ENPEP: variants seen among roughly 807,000 people sequenced by gnomAD.
ENPEP encodes AP-A.
In ENPEP, 103 loss-of-function variants were observed where a neutral mutation model predicts 114.5. That is an observed-to-expected ratio of 0.90 (90% CI 0.77 to 1.06). The LOEUF (loss-of-function observed/expected upper bound fraction) is 1.06, where lower values mean the gene tolerates loss of function less well. ENPEP is among the 50% of genes least tolerant of loss of function. The pLI is 0.00. For synonymous variants in ENPEP, 420 were observed against 422.0 expected, an observed-to-expected ratio of 1.00 and a Z score of 0.06; for missense variants, 1,196 against 1,161.3, an observed-to-expected ratio of 1.03 and a Z score of -0.43.
intron 3 of ENPEP, among the ~76,000 whole-genome samples, chr4:110,497,706 GA>G (rs1157498559): frequency 6.6e-6 from 1 of 151,954 alleles, no homozygotes; most frequent in Non-Finnish European, 1.5e-5. Flanking sequence ...AGCTACAGCG[GA>G]AAAAAAGGTG....
intron 11 of ENPEP, among the ~76,000 whole-genome samples, chr4:110,531,920 G>A (rs1420373693): frequency 6.6e-6 from 1 of 152,036 alleles, no homozygotes; most frequent in East Asian, 1.9e-4. Flanking sequence ...ACTCATCTTT[G>A]CCCCATTTCA....
intron 18 of ENPEP, among the ~76,000 whole-genome samples, chr4:110,558,343 A>C (rs966569216): frequency 6.6e-6 from 1 of 150,424 alleles, no homozygotes; most frequent in Non-Finnish European, 1.5e-5. Flanking sequence ...GCTGGAGTGC[A>C]GTGGCACAAT....
chr4:110,559,746 G>A lies in ENPEP; in HGVS notation c.2721+21G>A, dbSNP rs780362161. ...GGCAGGTATGAAGATAAATTCCTCT[G>A]CATTTGTCCAAGAAGGAGCAGAATG... On this transcript the variant is annotated intron_variant, in intron 19 of 19. Transcript: ENST00000265162. 4 of 1,591,434 alleles carry A rather than the reference G, an allele frequency of 2.5e-6. No individual in the cohort carries two copies. The East Asian group carries it at 8.9e-5, about 36-fold the overall frequency.
At chr4:110,547,055 T>C (rs1234400897) in intron 13 of ENPEP, among the ~76,000 whole-genome samples, 1 of 152,104 alleles carries the variant, frequency 6.6e-6, no homozygotes, top group Non-Finnish European at 1.5e-5. Flanking sequence ...TAAGCAGGAC[T>C]GTGCAGTCTT....
intron 10 of ENPEP, among the ~76,000 whole-genome samples, chr4:110,529,096 A>G (rs578195751): frequency 6.6e-6 from 1 of 152,316 alleles, no homozygotes; most frequent in South Asian, 2.1e-4. Flanking sequence ...TTAGGAGAAC[A>G]GCTTCTGCCC....
chr4:110,559,382 A>C (rs887847409), intron 18 of ENPEP, among the ~76,000 whole-genome samples: 2 of 152,094 alleles, frequency 1.3e-5, no homozygotes, highest in Admixed American at 1.3e-4. Flanking sequence ...TGCAGAAAAA[A>C]AAAAAACAGA....
rs914813621 is a variant in ENPEP, at chr4:110,488,462, T to G, written c.645-79T>G. 7 of 1,418,032 alleles carry G rather than the reference T, an allele frequency of 4.9e-6. No homozygotes were observed. In the African/African-American group the frequency reaches 7.2e-5, roughly 15 times the overall value. The allele number at this position is 1,418,032 out of a possible 1,614,324, so 87.8% of individuals were successfully genotyped here. ...AGTTATAATTGCATAGCTGATTTTT[T>G]TTTCCCCTAGGAATAGAGACATAGG... On this transcript the variant is annotated intron_variant, in intron 1 of 19. Transcript: ENST00000265162.
chr4:110,534,315 C>T (rs947191199), intron 11 of ENPEP, among the ~76,000 whole-genome samples: 1 of 152,026 alleles, frequency 6.6e-6, no homozygotes, highest in Non-Finnish European at 1.5e-5. Flanking sequence ...AGAAGAGAAC[C>T]TCTATTATAA....
rs751770653 is a variant in ENPEP at position 110,542,835 on chromosome 4, A to G, written c.1892A>G (p.Tyr631Cys). 2 of 1,613,282 alleles carry G rather than the reference A, an allele frequency of 1.2e-6. No homozygotes were observed. The highest frequency in any genetic ancestry group is 1.7e-6 in the Non-Finnish European group (2 of 1,179,470). ...PDHIGFYRVN[Y>C]EVATWDSIAT... is the part of the protein sequence containing the mutation. The stretch of plus-strand genomic sequence containing the variant: ...CATATTGGGTTTTATCGTGTAAATT[A>G]TGAAGTAGCAACTTGGGACTCGATA... Residue 631 changes from tyrosine to cysteine, a missense_variant, in exon 12 of 20, where the codon TAT becomes TGT. Physicochemically the swap from Tyr to Cys is radical, Grantham distance 194 (BLOSUM62 -2). Transcript: ENST00000265162.
chr4:110,521,680 G>A (rs555830826), intron 10 of ENPEP, among the ~76,000 whole-genome samples: 2 of 152,124 alleles, frequency 1.3e-5, no homozygotes, highest in African/African-American at 4.8e-5. Context: ...GGAGCAGAAT[G>A]TCTTAGAAAG....
chr4:110,553,144 A>G (rs938622918), intron 17 of ENPEP, among the ~76,000 whole-genome samples, 171 bp from the exon 18 acceptor site: 4 of 152,122 alleles, frequency 2.6e-5, no homozygotes, highest in Non-Finnish European at 5.9e-5. Flanking sequence ...ACAGTTAAAC[A>G]TATCAGAAAA....
chr4:110,547,367 C>T lies in ENPEP; in HGVS notation c.2001-809C>T, dbSNP rs150337382. ...TTCAGAATTGCTGTTTGTCTATGGA[C>T]TTAAATGGAGTTTGAGACCCAAAGT... On this transcript the variant is annotated intron_variant, in intron 13 of 19. Transcript: ENST00000265162. 1.9e-3 allele frequency among the ~76,000 whole-genome samples: 295 copies of T among 152,150 alleles called. 2 individuals are homozygous for T. The highest frequency in any genetic ancestry group is 6.8e-3 in the African/African-American group (282 of 41,516).
At chr4:110,518,470 A>G (rs973538985) in intron 8 of ENPEP, among the ~76,000 whole-genome samples, 11 of 152,224 alleles carry the variant, frequency 7.2e-5, no homozygotes, top group Non-Finnish European at 1.5e-4. Flanking sequence ...TTGAATGATT[A>G]CATGATTATT....
At chr4:110,510,437 G>A in intron 6 of ENPEP, 79 bp downstream of exon 6, 1 of 1,224,574 alleles carries the variant, frequency 8.2e-7, no homozygotes, top group Non-Finnish European at 1.2e-6. Flanking sequence ...TATGATAATG[G>A]TCCCGAGTCA....
intron 11 of ENPEP, among the ~76,000 whole-genome samples, chr4:110,541,110 C>T (rs1454702833): frequency 6.6e-6 from 1 of 152,110 alleles, no homozygotes; most frequent in Non-Finnish European, 1.5e-5. Flanking sequence ...TTCCTTTCAA[C>T]AACTTGTCCA....
intron 18 of ENPEP, 78 bp downstream of exon 18, chr4:110,553,533 C>G: frequency 7.3e-7 from 1 of 1,373,516 alleles, no homozygotes; most frequent in East Asian, 2.4e-5. Context: ...CTTTGGGCCA[C>G]TGTCTCTGAC....
At chr4:110,513,386 T>A in intron 6 of ENPEP, 29 bp from the exon 7 acceptor site, 1 of 1,604,798 alleles carries the variant, frequency 6.2e-7, no homozygotes, top group Non-Finnish European at 8.5e-7. Context: ...GGAAATACTA[T>A]ATTCCTTTGG....
At chr4:110,559,552 A>G in intron 18 of ENPEP, 95 bp from the exon 19 acceptor site, 1 of 893,490 alleles carries the variant, frequency 1.1e-6, no homozygotes, top group South Asian at 1.6e-5. Flanking sequence ...AGTTACTTTT[A>G]AAAACTATGA....
chr4:110,521,868 G>T (rs1726003502), intron 10 of ENPEP, among the ~76,000 whole-genome samples: 1 of 151,060 alleles, frequency 6.6e-6, no homozygotes, highest in Admixed American at 6.6e-5. Context: ...ACAGATAGGT[G>T]TTTTTATTTT....
Sources: allele counts gnomAD v4.1 joint callset (sites outside exome capture counted in the v4.1 genomes callset), GRCh38; gene constraint gnomAD v4.1.1; transcripts MANE v1.5; gene names NCBI Gene and HGNC (gene_info 2026-07-23, HGNC 2026-07-21).